Variants in SCAPER observed in about 807,000 individuals in gnomAD.
SCAPER encodes the protein S-phase cyclin A associated protein in the ER.
A neutral mutation model predicts 182.2 loss-of-function variants in SCAPER; 98 were observed. The observed-to-expected ratio is 0.54, with a 90% CI of 0.46 to 0.64. The LOEUF is 0.64. Among genes scored for constraint, SCAPER ranks in the 30% least tolerant of loss-of-function variants. SCAPER has a pLI of 0.00. For missense variants in SCAPER, 1,432 were observed against 1,690.0 expected (o/e 0.85, Z 2.68); for synonymous variants, 605 against 564.6 (o/e 1.07, Z -1.01).
chr15:76,804,967 C>A (rs1458369013), intron 5 of SCAPER, among the ~76,000 whole-genome samples: 4 of 152,206 alleles, frequency 2.6e-5, no homozygotes, highest in Middle Eastern at 3.4e-3. Context: ...CCAGTCACTC[C>A]AGAGGCTGAG....
chr15:76,775,580 T>C (rs554535086), intron 8 of SCAPER, among the ~76,000 whole-genome samples: 3 of 152,314 alleles, frequency 2.0e-5, no homozygotes, highest in South Asian at 4.1e-4. Flanking sequence ...ACATTGGTTC[T>C]GGTGTCCATC....
chr15:76,826,035 C>G (rs1010569084), intron 5 of SCAPER, among the ~76,000 whole-genome samples: 1 of 152,116 alleles, frequency 6.6e-6, no homozygotes, highest in African/African-American at 2.4e-5. Flanking sequence ...CGTGAGCCTC[C>G]GTGCCTGGCC....
At chr15:76,395,818 G>A (rs2044010882) in intron 27 of SCAPER, among the ~76,000 whole-genome samples, 1 of 151,938 alleles carries the variant, frequency 6.6e-6, no homozygotes, top group African/African-American at 2.4e-5. Flanking sequence ...TTGATTGATT[G>A]TTTCCTTTGC....
chr15:76,525,130 C>T (rs1259748730), intron 23 of SCAPER, among the ~76,000 whole-genome samples: 2 of 152,040 alleles, frequency 1.3e-5, no homozygotes, highest in Non-Finnish European at 2.9e-5. Flanking sequence ...TTAGCCCCAT[C>T]TTAGGATTTA....
intron 22 of SCAPER, among the ~76,000 whole-genome samples, chr15:76,581,318 G>A (rs1327823039): frequency 6.6e-6 from 1 of 152,112 alleles, no homozygotes; most frequent in Non-Finnish European, 1.5e-5. Flanking sequence ...ATTCTAGGAG[G>A]TTAGTATTAT....
chr15:76,434,444 A>G lies in SCAPER; in HGVS notation c.3079-134T>C, dbSNP rs531076624. 9 of 654,318 alleles carry G rather than the reference A, an allele frequency of 1.4e-5. No individual in the cohort carries two copies. In the African/African-American group the frequency reaches 1.6e-4, roughly 12 times the overall value. 40.5% of individuals were successfully genotyped at this position (654,318 alleles called of 1,614,324 possible). A position where few individuals can be genotyped will look rare whatever the true frequency, so the allele number is the denominator to read the frequency against. The stretch of plus-strand genomic sequence containing the variant: ...GTTCAAGAGTGTTGGCTCTGAAATC[A>G]GACTGCAAGTTCAAATCTGAGCTTT... On this transcript the variant is annotated intron_variant, in intron 25 of 31. Transcript: ENST00000563290.
At chr15:76,420,708 T>C (rs1016384284) in intron 26 of SCAPER, among the ~76,000 whole-genome samples, 1 of 152,158 alleles carries the variant, frequency 6.6e-6, no homozygotes, top group Admixed American at 6.5e-5. Context: ...GCCATGTTGG[T>C]GTGCTGCACC....
At chr15:76,380,145 A>T (rs991949702) in intron 28 of SCAPER, 1 of 152,198 alleles carries the variant, frequency 6.6e-6, no homozygotes, top group African/African-American at 2.4e-5. Flanking sequence ...TCCAGACAGA[A>T]TACGGTGGGC....
intron 5 of SCAPER, among the ~76,000 whole-genome samples, chr15:76,807,208 A>C (rs144899566): frequency 6.6e-5 from 10 of 152,212 alleles, no homozygotes; most frequent in African/African-American, 2.4e-4. Context: ...TTTCATAGAT[A>C]CTCTTTATCA....
At chr15:76,398,934 G>C (rs963815708) in intron 27 of SCAPER, among the ~76,000 whole-genome samples, 1 of 152,126 alleles carries the variant, frequency 6.6e-6, no homozygotes, top group Non-Finnish European at 1.5e-5. Context: ...TAAGTTAACA[G>C]CCCATGTTGG....
chr15:76,719,352 G>A (rs1291743704), intron 17 of SCAPER, among the ~76,000 whole-genome samples: 1 of 152,084 alleles, frequency 6.6e-6, no homozygotes, highest in Non-Finnish European at 1.5e-5. Context: ...ATTATACAGA[G>A]ATAGAAAACA....
intron 14 of SCAPER, among the ~76,000 whole-genome samples, chr15:76,760,441 A>G (rs2062707766): frequency 6.6e-6 from 1 of 152,236 alleles, no homozygotes; most frequent in Non-Finnish European, 1.5e-5. Context: ...CGAAACTTAC[A>G]TGCCCTCTCC....
chr15:76,869,023 C>T (rs2072505677), intron 2 of SCAPER, among the ~76,000 whole-genome samples: 1 of 152,072 alleles, frequency 6.6e-6, no homozygotes, highest in Admixed American at 6.6e-5. Context: ...GAAAGAACAC[C>T]CTATTCAATA....
chr15:76,897,484 T>C (rs571756949), intron 1 of SCAPER, among the ~76,000 whole-genome samples: 5 of 151,772 alleles, frequency 3.3e-5, no homozygotes, highest in South Asian at 2.1e-4. Context: ...GGCGGAGAGA[T>C]TGCCTGAGCT....
intron 23 of SCAPER, among the ~76,000 whole-genome samples, chr15:76,560,932 G>C (rs1011202557): frequency 2.0e-5 from 3 of 152,040 alleles, no homozygotes; most frequent in Non-Finnish European, 2.9e-5. Context: ...TAATACACAG[G>C]GTATCTGTCA....
intron 27 of SCAPER, among the ~76,000 whole-genome samples, chr15:76,389,713 G>C (rs562278257): frequency 5.2e-4 from 78 of 151,328 alleles, no homozygotes; most frequent in African/African-American, 1.7e-3. Context: ...AGCTACATGG[G>C]GGGCTAAGGC....
intron 6 of SCAPER, among the ~76,000 whole-genome samples, chr15:76,800,936 A>G (rs1274475409): frequency 2.6e-5 from 4 of 152,224 alleles, no homozygotes; most frequent in South Asian, 4.1e-4. Flanking sequence ...ACCACAACCA[A>G]TTGGCTTACA....
chr15:76,828,572 T>C lies in SCAPER; in HGVS notation c.393+13162A>G, dbSNP rs536078638. Among the ~76,000 whole-genome samples, 3 of 150,700 alleles carry C rather than the reference T, an allele frequency of 2.0e-5. No individual in the cohort carries two copies. In the South Asian group the frequency reaches 6.3e-4, roughly 31 times the overall value. The stretch of plus-strand genomic sequence containing the variant: ...ACAATGCTTTAGTAAATGTTACATA[T>C]ACAGGAGAAATTACTTATTTAACCA... On this transcript the variant is annotated intron_variant, in intron 5 of 31. Coordinates refer to ENST00000563290, the MANE Select transcript of SCAPER (RefSeq NM_020843.4).
intron 23 of SCAPER, among the ~76,000 whole-genome samples, chr15:76,566,471 C>T (rs1017292317): frequency 2.0e-5 from 3 of 152,038 alleles, no homozygotes; most frequent in African/African-American, 7.2e-5. Context: ...CATGTCCAAT[C>T]CATCTGCTTA....
Sources: gnomAD v4.1 joint callset for allele counts (sites outside exome capture counted in the v4.1 genomes callset) on GRCh38, gnomAD v4.1.1 for gene constraint, MANE v1.5 for transcripts, NCBI Gene and HGNC (gene_info 2026-07-23, HGNC 2026-07-21) for gene names.